ALDH1L1: variants seen among roughly 807,000 people sequenced by gnomAD.
ALDH1L1 encodes the protein aldehyde dehydrogenase 1 family member L1, also known as cytosolic 10-formyltetrahydrofolate dehydrogenase.
A neutral mutation model predicts 101.1 loss-of-function variants in ALDH1L1; 68 were observed. The observed-to-expected ratio is 0.67, with a 90% CI of 0.55 to 0.82. ALDH1L1 has a LOEUF of 0.82. ALDH1L1 is among the 40% of genes least tolerant of loss of function. ALDH1L1 has a pLI of 0.00. For missense variants in ALDH1L1, 1,087 were observed against 1,172.7 expected (o/e 0.93, Z 1.07); for synonymous variants, 486 against 470.8 (o/e 1.03, Z -0.42).
chr3:126,124,995 C>T (rs2080152835), intron 15 of ALDH1L1, among the ~76,000 whole-genome samples: 2 of 152,196 alleles, frequency 1.3e-5, no homozygotes, highest in East Asian at 1.9e-4. Flanking sequence ...ATGTCATGCA[C>T]CATCCTGGGA....
intron 13 of ALDH1L1, among the ~76,000 whole-genome samples, chr3:126,130,737 A>C (rs907054760): frequency 6.6e-6 from 1 of 152,194 alleles, no homozygotes; most frequent in African/African-American, 2.4e-5. Flanking sequence ...AGGAGGAACC[A>C]TGGAGCCCAG....
chr3:126,146,360 C>T (rs1394404581), intron 9 of ALDH1L1, among the ~76,000 whole-genome samples: 1 of 152,180 alleles, frequency 6.6e-6, no homozygotes, highest in East Asian at 1.9e-4. Context: ...CCTGGCAGAT[C>T]CCGCCCTTAT....
At position 126,150,633 on chromosome 3, in the gene ALDH1L1, C is replaced by A. The variant is rs992050954; in HGVS notation, c.859-102G>T. The stretch of plus-strand genomic sequence containing the variant: ...GCAGTGGTGCGATCTCGGCTCACTA[C>A]AACCTCCGCCTCCCGGGTTGAAGCG... On this transcript the variant is annotated intron_variant, in intron 7 of 22. Transcript: ENST00000393434. 1.1e-4 allele frequency: 154 copies of A among 1,354,448 alleles called. No individual in the cohort carries two copies. In the African/African-American group the frequency reaches 2.1e-3, roughly 18 times the overall value. The allele number at this position is 1,354,448 out of a possible 1,614,324, so 83.9% of individuals were successfully genotyped here. A position where few individuals can be genotyped will look rare whatever the true frequency, so the allele number is the denominator to read the frequency against.
Position 126,140,447 on chromosome 3 carries a change from T to C in ALDH1L1, c.1077-2487A>G, listed in dbSNP as rs143404804. ...TGAGATAAAAGTACCATAGACTTGA[T>C]GACACAATTAAAAATAAAGAACACA... On this transcript the variant is annotated intron_variant, in intron 9 of 22. Transcript: ENST00000393434. Among the ~76,000 whole-genome samples, 939 of 152,250 alleles carry C rather than the reference T, an allele frequency of 6.2e-3. 5 individuals are homozygous for C. The highest frequency in any genetic ancestry group is 0.014 in the Middle Eastern group (4 of 294).
intron 1 of ALDH1L1, 128 bp from the exon 2 acceptor site, chr3:126,161,130 T>C: frequency 8.9e-7 from 1 of 1,117,472 alleles, no homozygotes; most frequent in Non-Finnish European, 1.2e-6. Flanking sequence ...GCTCTGTGGG[T>C]GGCAGGCCAC....
chr3:126,196,168 G>T (rs2081580901), intron 1 of ALDH1L1, among the ~76,000 whole-genome samples: 1 of 152,100 alleles, frequency 6.6e-6, no homozygotes, highest in Non-Finnish European at 1.5e-5. Flanking sequence ...GGATTACTGG[G>T]TTTAGGGTAG....
chr3:126,138,872 G>A (rs1429506959), intron 9 of ALDH1L1, among the ~76,000 whole-genome samples: 1 of 152,252 alleles, frequency 6.6e-6, no homozygotes, highest in Admixed American at 6.5e-5. Flanking sequence ...GAACTTACAT[G>A]AATCAAATAT....
chr3:126,139,005 C>A (rs549865362), intron 9 of ALDH1L1, among the ~76,000 whole-genome samples: 5 of 152,338 alleles, frequency 3.3e-5, no homozygotes, highest in Admixed American at 6.5e-5. Context: ...GCTGTCACCC[C>A]CCACCTCCCA....
At chr3:126,188,615 C>T (rs1320030884) in intron 1 of ALDH1L1, among the ~76,000 whole-genome samples, 1 of 152,170 alleles carries the variant, frequency 6.6e-6, no homozygotes, top group Non-Finnish European at 1.5e-5. Context: ...GGCATCAGCG[C>T]TCCTCCCACT....
chr3:126,128,033 G>C (rs185220024), intron 14 of ALDH1L1, among the ~76,000 whole-genome samples: 3 of 152,286 alleles, frequency 2.0e-5, no homozygotes, highest in Middle Eastern at 3.4e-3. Flanking sequence ...GGGCATGAGG[G>C]TGGAGGGCCT....
Position 126,132,341 on chromosome 3 carries a change from A to C in ALDH1L1, c.1473-807T>G, listed in dbSNP as rs576393742. ...TGCACCCAGGCACCATGAAGCCCAC[A>C]CGCACCCCAGGCCTGCTCCGGTCCT... On this transcript the variant is annotated intron_variant, in intron 12 of 22. Coordinates refer to ENST00000393434, the MANE Select transcript of ALDH1L1 (RefSeq NM_012190.4). 3.3e-5 allele frequency among the ~76,000 whole-genome samples: 5 copies of C among 152,214 alleles called. No individual in the cohort carries two copies. In the East Asian group the frequency reaches 9.7e-4, roughly 29 times the overall value.
chr3:126,122,416 A>G (rs745337288), intron 16 of ALDH1L1, among the ~76,000 whole-genome samples: 3 of 152,196 alleles, frequency 2.0e-5, no homozygotes, highest in South Asian at 2.1e-4. Flanking sequence ...ATAAAAGCAG[A>G]AAGGAGGTAG....
intron 1 of ALDH1L1, among the ~76,000 whole-genome samples, chr3:126,177,738 T>C (rs2081389559): frequency 6.6e-6 from 1 of 152,178 alleles, no homozygotes; most frequent in African/African-American, 2.4e-5. Flanking sequence ...CGATATTGGC[T>C]CACCAAGTAT....
intron 1 of ALDH1L1, 41 bp from the exon 2 acceptor site, chr3:126,161,043 G>C: frequency 6.2e-7 from 1 of 1,602,314 alleles, no homozygotes; most frequent in East Asian, 2.2e-5. Context: ...GAGATCGCTG[G>C]TCTCAGAGAA....
At chr3:126,189,439 G>A (rs2081539779) in intron 1 of ALDH1L1, among the ~76,000 whole-genome samples, 1 of 152,110 alleles carries the variant, frequency 6.6e-6, no homozygotes, top group African/African-American at 2.4e-5. Context: ...TCTACAACAG[G>A]TGTGCACTTC....
chr3:126,165,490 T>C (rs1451959935), intron 1 of ALDH1L1, among the ~76,000 whole-genome samples: 2 of 152,190 alleles, frequency 1.3e-5, no homozygotes, highest in Non-Finnish European at 2.9e-5. Context: ...ATACTTTCAA[T>C]AGGATTGGTG....
At position 126,135,740 on chromosome 3, in the gene ALDH1L1, C is replaced by T. The variant is rs186298383; in HGVS notation, c.1345-78G>A. On this transcript the variant is annotated intron_variant, in intron 11 of 22. Transcript: ENST00000393434. ...ATACCCCTGCCTGCTTCCCTGGCCT[C>T]CTCCTGGGGCCCCAGTGAGGCGGCC... 5,284 of 1,430,526 alleles carry T rather than the reference C, an allele frequency of 3.7e-3. 51 individuals carry two copies. Among genetic ancestry groups the T allele is most frequent in the Non-Finnish European group, 3.1e-3 (3,409 of 1,092,862 alleles). The allele number at this position is 1,430,526 out of a possible 1,614,324, so 88.6% of individuals were successfully genotyped here. A position where few individuals can be genotyped will look rare whatever the true frequency, so the allele number is the denominator to read the frequency against.
At chr3:126,196,661 A>G (rs1293511522) in intron 1 of ALDH1L1, among the ~76,000 whole-genome samples, 1 of 152,250 alleles carries the variant, frequency 6.6e-6, no homozygotes, top group Non-Finnish European at 1.5e-5. Context: ...AGGTATTTTC[A>G]AAGAGGTGGT....
At chr3:126,133,693 G>A (rs2080360783) in intron 12 of ALDH1L1, among the ~76,000 whole-genome samples, 1 of 152,236 alleles carries the variant, frequency 6.6e-6, no homozygotes, top group Non-Finnish European at 1.5e-5. Flanking sequence ...GTCCCTGGGT[G>A]CCAGGGTAGC....
Sources: gnomAD v4.1 joint callset for allele counts (sites outside exome capture counted in the v4.1 genomes callset) on GRCh38, gnomAD v4.1.1 for gene constraint, MANE v1.5 for transcripts, NCBI Gene and HGNC (gene_info 2026-07-23, HGNC 2026-07-21) for gene names.